Variants in ANO6 observed in about 807,000 individuals in gnomAD.
ANO6 encodes the protein anoctamin 6.
Under a neutral mutation model 117.5 loss-of-function variants are expected in ANO6, and 106 were observed. The ratio of observed to expected loss-of-function variants is 0.90; its 90% confidence interval spans 0.77 to 1.06. The LOEUF (loss-of-function observed/expected upper bound fraction) is 1.06. Among genes scored for constraint, ANO6 ranks in the 50% least tolerant of loss-of-function variants. ANO6 has a pLI of 0.00. For missense variants in ANO6, 955 were observed against 1,121.1 expected (o/e 0.85, Z 2.12); for synonymous variants, 367 against 385.1 (o/e 0.95, Z 0.55).
At chr12:45,328,351 T>A (rs1940543198) in intron 2 of ANO6, among the ~76,000 whole-genome samples, 1 of 152,138 alleles carries the variant, frequency 6.6e-6, no homozygotes, top group African/African-American at 2.4e-5. Context: ...CTTCCATACC[T>A]GCAGTTCTTG....
chr12:45,290,535 C>G (rs1176014842), intron 1 of ANO6, among the ~76,000 whole-genome samples: 1 of 152,130 alleles, frequency 6.6e-6, no homozygotes, highest in African/African-American at 2.4e-5. Context: ...GAACTGAGAG[C>G]CTGAGGGTCT....
rs780278094 is a variant in ANO6 at position 45,417,485 on chromosome 12, C to T, written c.2217+581C>T. On this transcript the variant is annotated intron_variant, in intron 17 of 19. Coordinates refer to ENST00000320560, the MANE Select transcript of ANO6 (RefSeq NM_001025356.3). Reference sequence around the variant, plus strand: ...AGGTCTTTGCTCACCATGCTTTGGTCATTGGCTGAAGCAGCCTCATGCCCT... The same window carrying T: ...AGGTCTTTGCTCACCATGCTTTGGTTATTGGCTGAAGCAGCCTCATGCCCT... 8.5e-5 allele frequency among the ~76,000 whole-genome samples: 13 copies of T among 152,308 alleles called. No homozygotes were observed. In the East Asian group the frequency reaches 1.4e-3, roughly 16 times the overall value.
At chr12:45,242,042 A>G (rs1947752060) in intron 1 of ANO6, among the ~76,000 whole-genome samples, 1 of 152,188 alleles carries the variant, frequency 6.6e-6, no homozygotes, top group South Asian at 2.1e-4. Context: ...CCACTTGTGG[A>G]GGCGGTCTGT....
chr12:45,409,527 T>TA (rs35689780), intron 16 of ANO6, 40 bp downstream of exon 16: 30,362 of 1,602,930 alleles, frequency 0.019, 713 homozygotes, highest in East Asian at 0.11. Context: ...TAAAACATGT[T>TA]AGAGTATGTT....
At chr12:45,231,936 A>G (rs1457087966) in intron 1 of ANO6, among the ~76,000 whole-genome samples, 1 of 152,130 alleles carries the variant, frequency 6.6e-6, no homozygotes, top group Non-Finnish European at 1.5e-5. Flanking sequence ...ACTTATTTGG[A>G]AGAGTTCAGT....
At chr12:45,437,386 T>G (rs995576800) in intron 19 of ANO6, among the ~76,000 whole-genome samples, 1 of 152,210 alleles carries the variant, frequency 6.6e-6, no homozygotes, top group South Asian at 2.1e-4. Context: ...TCTCACTAGA[T>G]TATTTTGAAA....
Position 45,390,555 on chromosome 12 carries a change from A to G in ANO6, c.1386+57A>G. On this transcript the variant is annotated intron_variant, in intron 12 of 19. Coordinates refer to ENST00000320560, the MANE Select transcript of ANO6 (RefSeq NM_001025356.3). ...TAAAAATGTTTTTATTATGTAACAG[A>G]TTTTTTTAATATCTAATTTTAAATG... 4 of 1,421,440 alleles carry G rather than the reference A, an allele frequency of 2.8e-6. No homozygotes were observed. The South Asian group carries it at 3.5e-5, about 12-fold the overall frequency. 88.1% of individuals were successfully genotyped at this position (1,421,440 alleles called of 1,614,324 possible).
intron 3 of ANO6, among the ~76,000 whole-genome samples, chr12:45,335,324 G>A (rs1940793544): frequency 6.6e-6 from 1 of 151,944 alleles, no homozygotes; most frequent in African/African-American, 2.4e-5. Context: ...GAGCCTGTGA[G>A]CTTCTAAAAA....
intron 1 of ANO6, among the ~76,000 whole-genome samples, chr12:45,299,416 A>G (rs1939406351): frequency 6.6e-6 from 1 of 152,188 alleles, no homozygotes; most frequent in South Asian, 2.1e-4. Context: ...TTTGGTTCAC[A>G]CATAGGGTGT....
At chr12:45,313,807 C>G (rs1202495346) in intron 2 of ANO6, among the ~76,000 whole-genome samples, 1 of 152,030 alleles carries the variant, frequency 6.6e-6, no homozygotes, top group African/African-American at 2.4e-5. Context: ...CTTACACGTG[C>G]TAATGTAATT....
In ANO6 at chr12:45,360,592, A is replaced by C. The variant is rs886856507; in HGVS notation, c.998+3168A>C. Among the ~76,000 whole-genome samples the C allele has an allele frequency of 4.6e-5, 7 of 152,360 alleles. No homozygotes were observed. The East Asian group carries it at 1.3e-3, about 29-fold the overall frequency. On this transcript the variant is annotated intron_variant, in intron 8 of 19. Transcript: ENST00000320560. ...TTCACTTTCCTAATAGCATCCTTTG[A>C]AACAAAATTATTTTTAATTTTGATG...
intron 12 of ANO6, 123 bp downstream of exon 12, chr12:45,390,621 CAGAG>C: frequency 1.2e-6 from 1 of 861,568 alleles, no homozygotes; most frequent in South Asian, 1.5e-5. Context: ...TATATGGTCT[CAGAG>C]AGACAGACAG....
chr12:45,438,835 T>A (rs1428077170), intron 19 of ANO6, among the ~76,000 whole-genome samples: 1 of 152,264 alleles, frequency 6.6e-6, no homozygotes, highest in East Asian at 1.9e-4. Flanking sequence ...CTGTAAGCCA[T>A]ATGCAGGGAG....
chr12:45,310,352 C>G (rs900332301), intron 2 of ANO6, among the ~76,000 whole-genome samples: 3 of 152,078 alleles, frequency 2.0e-5, no homozygotes, highest in African/African-American at 7.2e-5. Context: ...CTTGAACACT[C>G]TAATCTTATT....
At chr12:45,422,931 C>T in intron 18 of ANO6, 26 bp from the exon 19 acceptor site, 4 of 1,521,200 alleles carry the variant, frequency 2.6e-6, no homozygotes, top group Non-Finnish European at 3.7e-6. Context: ...GATTTGTCTC[C>T]CAATATGTCT....
chr12:45,437,891 A>C (rs1433909163), intron 19 of ANO6, among the ~76,000 whole-genome samples: 2 of 152,100 alleles, frequency 1.3e-5, no homozygotes, highest in Non-Finnish European at 2.9e-5. Flanking sequence ...AGAGTGTAAA[A>C]TTGTTCTGAG....
chr12:45,216,191 C>G lies in ANO6; in HGVS notation c.-131C>G. 1 of 1,073,342 alleles carries G rather than the reference C, an allele frequency of 9.3e-7. No homozygotes were observed. 66.5% of individuals were successfully genotyped at this position (1,073,342 alleles called of 1,614,324 possible). ...TCGGCTTTCCCCGGCGCTGGCTGGG[C>G]TCAGCGGCCCCTGAGCCCAAGCGAC... is the stretch of plus-strand genomic sequence containing the variant. On this transcript the variant is annotated 5_prime_UTR_variant, in exon 1 of 20. Transcript: ENST00000320560.
At chr12:45,246,420 C>T (rs952100797) in intron 1 of ANO6, among the ~76,000 whole-genome samples, 15 of 152,096 alleles carry the variant, frequency 9.9e-5, no homozygotes, top group African/African-American at 3.6e-4. Flanking sequence ...TACATTTGAG[C>T]ATTCAAATTA....
intron 1 of ANO6, among the ~76,000 whole-genome samples, chr12:45,227,575 A>G (rs1263505631): frequency 6.6e-6 from 1 of 152,038 alleles, no homozygotes; most frequent in African/African-American, 2.4e-5. Context: ...TTAGACACTT[A>G]TGAGGGCAGT....
Sources: gnomAD v4.1 joint callset for allele counts (sites outside exome capture counted in the v4.1 genomes callset) on GRCh38, gnomAD v4.1.1 for gene constraint, MANE v1.5 for transcripts, NCBI Gene and HGNC (gene_info 2026-07-23, HGNC 2026-07-21) for gene names.